ST3GAL3: variants seen among roughly 807,000 people sequenced by gnomAD.
ST3GAL3 encodes ST3 beta-galactoside alpha-2,3-sialyltransferase 3, also known as CMP-N-acetylneuraminate-beta-1,4-galactoside alpha-2,3-sialyltransferase.
In ST3GAL3, 21 loss-of-function variants were observed where a neutral mutation model predicts 50.1. The observed-to-expected ratio is 0.42, with a 90% confidence interval of 0.30 to 0.60. The LOEUF is 0.60. Ranked by LOEUF, ST3GAL3 falls within the 20% of genes least tolerant of loss-of-function variation. The pLI is 0.19. For synonymous variants in ST3GAL3, 183 were observed against 190.0 expected (o/e 0.96, Z 0.30); for missense variants, 353 against 489.4 (o/e 0.72, Z 2.63).
At chr1:43,860,889 C>CT (rs2069744954) in intron 5 of ST3GAL3, among the ~76,000 whole-genome samples, 1 of 152,214 alleles carries the variant, frequency 6.6e-6, no homozygotes, top group Non-Finnish European at 1.5e-5. Context: ...AAGTAGAAAG[C>CT]TTTTGAGCTG....
intron 3 of ST3GAL3, among the ~76,000 whole-genome samples, chr1:43,798,084 C>T (rs761140312): frequency 6.6e-6 from 1 of 152,104 alleles, no homozygotes; most frequent in Admixed American, 6.6e-5. Flanking sequence ...TTTTCTTCCC[C>T]ATCTACCCAA....
chr1:43,930,164 G>GT lies in ST3GAL3; in HGVS notation c.1074dup (p.Leu359SerfsTer12). 1 of 1,614,184 alleles carries GT rather than the reference G, an allele frequency of 6.2e-7. No homozygotes were observed. The highest frequency in any genetic ancestry group is 2.2e-5 in the East Asian group (1 of 44,886). Reference sequence around the variant, plus strand: ...CGCACAATATCCAGCGAGAGAAAGAGTTTCTGCGGAAGCTGGTGAAAGCTC... The same window carrying GT: ...CGCACAATATCCAGCGAGAGAAAGAGTTTTCTGCGGAAGCTGGTGAAAGCTC... On this transcript the variant is annotated frameshift_variant, in exon 12 of 12. Coordinates refer to ENST00000347631, the MANE Select transcript of ST3GAL3 (RefSeq NM_006279.5). LOFTEE classifies it high-confidence loss of function.
intron 4 of ST3GAL3, among the ~76,000 whole-genome samples, chr1:43,819,783 C>T (rs960846180): frequency 1.3e-5 from 2 of 152,136 alleles, no homozygotes; most frequent in Non-Finnish European, 2.9e-5. Context: ...CCCACTCCCC[C>T]CTCTAGTAGT....
intron 2 of ST3GAL3, among the ~76,000 whole-genome samples, chr1:43,764,077 T>G (rs1691613543): frequency 6.6e-6 from 1 of 151,998 alleles, no homozygotes; most frequent in African/African-American, 2.4e-5. Context: ...AGAAAGTAAC[T>G]GCTATAATTA....
chr1:43,721,511 T>G (rs892612929), intron 1 of ST3GAL3, among the ~76,000 whole-genome samples: 4 of 151,790 alleles, frequency 2.6e-5, no homozygotes, highest in African/African-American at 9.7e-5. Context: ...TCTGTGTTGG[T>G]CAGGCTGGTC....
At chr1:43,786,818 G>A (rs1442344580) in intron 2 of ST3GAL3, among the ~76,000 whole-genome samples, 1 of 152,008 alleles carries the variant, frequency 6.6e-6, no homozygotes, top group Non-Finnish European at 1.5e-5. Flanking sequence ...TTTTTCCCAC[G>A]GCTGTGTCTT....
chr1:43,782,559 A>T (rs76331367), intron 2 of ST3GAL3, among the ~76,000 whole-genome samples: 1 of 151,794 alleles, frequency 6.6e-6, no homozygotes, highest in South Asian at 2.1e-4. Context: ...CCTTATTTTC[A>T]CTGTTTCTCC....
chr1:43,765,438 C>T (rs1314215079), intron 2 of ST3GAL3, among the ~76,000 whole-genome samples: 2 of 152,176 alleles, frequency 1.3e-5, no homozygotes, highest in Non-Finnish European at 2.9e-5. Context: ...GAGGAGGCCA[C>T]GTAGCCCTCA....
chr1:43,847,895 T>C (rs2066519063), intron 5 of ST3GAL3, among the ~76,000 whole-genome samples: 1 of 152,232 alleles, frequency 6.6e-6, no homozygotes, highest in South Asian at 2.1e-4. Flanking sequence ...TTCCTTTGTG[T>C]AAATACGTAT....
intron 11 of ST3GAL3, among the ~76,000 whole-genome samples, chr1:43,929,396 C>A (rs2084645539): frequency 6.6e-6 from 1 of 151,898 alleles, no homozygotes; most frequent in South Asian, 2.1e-4. Context: ...CCTCTGCCTC[C>A]CGGGTTCAAG....
intron 1 of ST3GAL3, among the ~76,000 whole-genome samples, chr1:43,711,452 G>A (rs1664723568): frequency 6.6e-6 from 1 of 152,254 alleles, no homozygotes. Context: ...GAGAATTTCA[G>A]TGTTAGCATA....
At chr1:43,805,834 C>T (rs2059811546) in intron 3 of ST3GAL3, among the ~76,000 whole-genome samples, 1 of 152,156 alleles carries the variant, frequency 6.6e-6, no homozygotes, top group Non-Finnish European at 1.5e-5. Context: ...CTCCTGGGTT[C>T]AGGCAGTTCT....
chr1:43,733,087 C>T (rs1005569149), intron 1 of ST3GAL3, among the ~76,000 whole-genome samples: 4 of 151,542 alleles, frequency 2.6e-5, no homozygotes, highest in African/African-American at 7.3e-5. Flanking sequence ...AGTCTTGAGG[C>T]GGGCTCAAGC....
chr1:43,711,256 C>A (rs1664622993), intron 1 of ST3GAL3, among the ~76,000 whole-genome samples: 1 of 152,242 alleles, frequency 6.6e-6, no homozygotes. Context: ...TACTCAGGAA[C>A]TGAGGCTGAT....
chr1:43,909,918 G>T (rs571322318), intron 9 of ST3GAL3, among the ~76,000 whole-genome samples: 1 of 152,278 alleles, frequency 6.6e-6, no homozygotes, highest in South Asian at 2.1e-4. Flanking sequence ...TTAATGTGAA[G>T]GAAACAGGGT....
rs574980637 is a variant in ST3GAL3, at chr1:43,756,278, G to A, written c.118+19898G>A. ...TGTATGTGAAATGGAAACTAAATTA[G>A]TAACTTAGATCAGTATTTATCTGGG... On this transcript the variant is annotated intron_variant, in intron 2 of 11. Transcript: ENST00000347631. 6.6e-5 allele frequency among the ~76,000 whole-genome samples: 10 copies of A among 152,136 alleles called. No homozygotes were observed. In the South Asian group the frequency reaches 2.1e-3, roughly 32 times the overall value.
chr1:43,736,925 A>C lies in ST3GAL3; in HGVS notation c.118+545A>C, dbSNP rs1419316440. 4.6e-5 allele frequency: 10 copies of C among 216,898 alleles called. No individual in the cohort carries two copies. In the East Asian group the frequency reaches 1.2e-3, roughly 26 times the overall value. The allele number at this position is 216,898 out of a possible 1,614,324, so 13.4% of individuals were successfully genotyped here. A position where few individuals can be genotyped will look rare whatever the true frequency, so the allele number is the denominator to read the frequency against. On this transcript the variant is annotated intron_variant, in intron 2 of 11. Transcript: ENST00000347631. ...TATTTTCCCTACCCAGTAACTCCTAATTTTTTTCTTCTCTTTGTGCACTTT... is the reference window on the plus strand; with the variant it reads ...TATTTTCCCTACCCAGTAACTCCTACTTTTTTTCTTCTCTTTGTGCACTTT...
chr1:43,809,033 G>A (rs1374717057), intron 3 of ST3GAL3, among the ~76,000 whole-genome samples: 1 of 152,138 alleles, frequency 6.6e-6, no homozygotes, highest in East Asian at 1.9e-4. Context: ...AAATACTTAA[G>A]GAATGCACAG....
At chr1:43,856,991 G>A (rs1308746598) in intron 5 of ST3GAL3, among the ~76,000 whole-genome samples, 2 of 151,886 alleles carry the variant, frequency 1.3e-5, no homozygotes. Context: ...ACCCACACTT[G>A]CTTGCAAAGG....
Sources: gnomAD v4.1 joint callset for allele counts (sites outside exome capture counted in the v4.1 genomes callset) on GRCh38, gnomAD v4.1.1 for gene constraint, MANE v1.5 for transcripts, NCBI Gene and HGNC (gene_info 2026-07-23, HGNC 2026-07-21) for gene names.